Variants in CRYBB1 observed in about 807,000 individuals in gnomAD.
CRYBB1 encodes the protein beta-crystallin B1.
CRYBB1 carries 16 observed loss-of-function variants against 29.5 expected under a neutral mutation model. The observed-to-expected ratio is 0.54, with a 90% CI of 0.37 to 0.82. CRYBB1 has a LOEUF of 0.82. Ranked by LOEUF, CRYBB1 falls within the 40% of genes least tolerant of loss-of-function variation. The pLI is 0.00. For missense variants in CRYBB1, 300 were observed against 350.5 expected, an observed-to-expected ratio of 0.86 and a Z score of 1.15; for synonymous variants, 127 against 136.7, an observed-to-expected ratio of 0.93 and a Z score of 0.49.
chr22:26,613,059 G>A (rs529158019), intron 2 of CRYBB1, among the ~76,000 whole-genome samples: 1 of 152,274 alleles, frequency 6.6e-6, no homozygotes, highest in South Asian at 2.1e-4. Context: ...AGGGCCTGAG[G>A]TTGATCAATT....
chr22:26,609,089 C>A (rs1234914279), intron 3 of CRYBB1, among the ~76,000 whole-genome samples: 1 of 152,094 alleles, frequency 6.6e-6, no homozygotes, highest in African/African-American at 2.4e-5. Flanking sequence ...CCTTTGCTCC[C>A]CGTGTGTTCA....
At chr22:26,605,391 T>C (rs1928942648) in intron 4 of CRYBB1, among the ~76,000 whole-genome samples, 2 of 152,114 alleles carry the variant, frequency 1.3e-5, no homozygotes, top group African/African-American at 4.8e-5. Flanking sequence ...ACAGGCCAAC[T>C]GGTTGGGCGC....
chr22:26,615,335 G>A (rs116124124), intron 2 of CRYBB1, among the ~76,000 whole-genome samples: 296 of 152,192 alleles, frequency 1.9e-3, no homozygotes, highest in African/African-American at 6.4e-3. Context: ...AGGACAGCTG[G>A]TTCCCTGCTG....
At chr22:26,605,321 G>A (rs1928941224) in intron 4 of CRYBB1, among the ~76,000 whole-genome samples, 1 of 152,148 alleles carries the variant, frequency 6.6e-6, no homozygotes, top group African/African-American at 2.4e-5. Flanking sequence ...TGAAGACAGG[G>A]ACCTAGTCTG....
At chr22:26,608,082 C>A in intron 3 of CRYBB1, 61 bp from the exon 4 acceptor site, 2 of 1,612,602 alleles carry the variant, frequency 1.2e-6, no homozygotes, top group Non-Finnish European at 1.7e-6. Flanking sequence ...AGCCCCCACT[C>A]CCTACTTGCC....
chr22:26,605,161 C>T (rs1928936950), intron 4 of CRYBB1, among the ~76,000 whole-genome samples: 1 of 152,224 alleles, frequency 6.6e-6, no homozygotes, highest in Non-Finnish European at 1.5e-5. Context: ...CCACTCCCAC[C>T]TCTAACAATA....
rs1231314514 is a variant in CRYBB1, at chr22:26,614,810, A to T, written c.180+1330T>A. ...ATAATATGGCAAAACCCGTCTCATAATTCGGTCTCAAAATAAATGAATAAA... is the reference window on the plus strand; with the variant it reads ...ATAATATGGCAAAACCCGTCTCATATTTCGGTCTCAAAATAAATGAATAAA... On this transcript the variant is annotated intron_variant, in intron 2 of 5. Coordinates refer to ENST00000647684, the MANE Select transcript of CRYBB1 (RefSeq NM_001887.4). Among the ~76,000 whole-genome samples, 3 of 152,188 alleles carry T rather than the reference A, an allele frequency of 2.0e-5. 1 individual carries two copies. Among genetic ancestry groups the T allele is most frequent in the Admixed American group, 1.3e-4 (2 of 15,278 alleles).
intron 3 of CRYBB1, among the ~76,000 whole-genome samples, chr22:26,609,463 C>T (rs1929088950): frequency 6.6e-6 from 1 of 151,716 alleles, no homozygotes; most frequent in South Asian, 2.1e-4. Context: ...GGTAGATGGA[C>T]AGATGAATGG....
chr22:26,601,713 G>A (rs1928824036), intron 5 of CRYBB1, among the ~76,000 whole-genome samples, 166 bp downstream of exon 5: 1 of 151,482 alleles, frequency 6.6e-6, no homozygotes, highest in African/African-American at 2.4e-5. Flanking sequence ...CTATTCCCCA[G>A]AGGAATAGAG....
chr22:26,610,924 G>A (rs1003577814), intron 3 of CRYBB1, among the ~76,000 whole-genome samples: 1 of 152,142 alleles, frequency 6.6e-6, no homozygotes, highest in African/African-American at 2.4e-5. Context: ...CAGGATGACT[G>A]GAACCCTTGC....
chr22:26,611,465 T>G (rs1171404984), intron 3 of CRYBB1, among the ~76,000 whole-genome samples: 64 of 136,516 alleles, frequency 4.7e-4, no homozygotes, highest in Non-Finnish European at 8.9e-4. Flanking sequence ...TTTTTTTTTT[T>G]TTTGTTTTTT....
At position 26,601,088 on chromosome 22, in the gene CRYBB1, G is replaced by A. The variant is rs371742018; in HGVS notation, c.575+791C>T. Reference sequence around the variant, plus strand: ...AGATGGCTTGAATGGCAGGGATATAGGTTTCAGGGAGGCAGAAAGGAACAA... The same window carrying A: ...AGATGGCTTGAATGGCAGGGATATAAGTTTCAGGGAGGCAGAAAGGAACAA... On this transcript the variant is annotated intron_variant, in intron 5 of 5. Coordinates refer to ENST00000647684, the MANE Select transcript of CRYBB1 (RefSeq NM_001887.4). Among the ~76,000 whole-genome samples, 6 of 152,210 alleles carry A rather than the reference G, an allele frequency of 3.9e-5. No individual in the cohort carries two copies. The East Asian group carries it at 5.8e-4, about 15-fold the overall frequency.
At position 26,608,005 on chromosome 22, in the gene CRYBB1, G is replaced by T. The variant is rs1281764662; in HGVS notation, c.316C>A (p.Gln106Lys). The T allele has an allele frequency of 5.6e-6, 9 of 1,614,176 alleles. No individual in the cohort carries two copies. Among genetic ancestry groups the T allele is most frequent in the Non-Finnish European group, 7.6e-6 (9 of 1,180,044 alleles). The change falls in exon 4 of 6, where the codon CAG becomes AAG. Residue 106 changes from glutamine to lysine, a missense_variant. By Grantham distance (53) the Gln-to-Lys change is moderately conservative. Transcript: ENST00000647684. ...VSAGPWVAFE[Q>K]SNFRGEMFIL... ...AACATCTCCCCGCGGAAGTTGGACT[G>T]CTCAAAGGCGACCCAGCTGGATACA...
At chr22:26,604,814 G>T (rs1461648178) in intron 4 of CRYBB1, among the ~76,000 whole-genome samples, 1 of 152,200 alleles carries the variant, frequency 6.6e-6, no homozygotes, top group Non-Finnish European at 1.5e-5. Flanking sequence ...GTACAACAAT[G>T]ATTACTTATT....
At chr22:26,611,545 G>A (rs1317429834) in intron 3 of CRYBB1, among the ~76,000 whole-genome samples, 3 of 151,328 alleles carry the variant, frequency 2.0e-5, no homozygotes, top group African/African-American at 7.3e-5. Context: ...CGCAATCTCG[G>A]CTCACTGCAA....
intron 5 of CRYBB1, among the ~76,000 whole-genome samples, chr22:26,600,101 T>C (rs1409537640): frequency 1.3e-5 from 2 of 152,138 alleles, no homozygotes; most frequent in Non-Finnish European, 2.9e-5. Context: ...AAGTGTTATT[T>C]CAAAAAATTG....
At chr22:26,611,095 A>T (rs928822569) in intron 3 of CRYBB1, among the ~76,000 whole-genome samples, 1 of 152,234 alleles carries the variant, frequency 6.6e-6, no homozygotes, top group African/African-American at 2.4e-5. Flanking sequence ...TAAGGCCCAG[A>T]GACACCCACA....
In CRYBB1 at chr22:26,612,178, C is replaced by T. The variant is rs1400757152; in HGVS notation, c.193G>A (p.Glu65Lys). The change falls in exon 3 of 6, where the codon GAA (glutamate) becomes AAA (lysine). Residue 65 changes from glutamate (E) to lysine (K), a missense_variant. Transcript: ENST00000647684. ...CGACGGCCCTGGAAGTTTTCCAGTTCGAAGACCACCAGCTGCAGGAGAGAA... is the reference window on the plus strand; with the variant it reads ...CGACGGCCCTGGAAGTTTTCCAGTTTGAAGACCACCAGCTGCAGGAGAGAA... Reference protein sequence around the residue: ...PPGNYRLVVFELENFQGRRAE... With the variant: ...PPGNYRLVVFKLENFQGRRAE... The T allele has an allele frequency of 4.3e-6, 7 of 1,613,022 alleles. No individual in the cohort carries two copies. The highest frequency in any genetic ancestry group is 2.7e-5 in the African/African-American group (2 of 74,740).
intron 4 of CRYBB1, among the ~76,000 whole-genome samples, chr22:26,603,125 C>CAAAAAAAA (rs779127242): frequency 3.2e-4 from 22 of 69,078 alleles, no homozygotes; most frequent in African/African-American, 4.7e-4. Flanking sequence ...GACTCCGTCT[C>CAAAAAAAA]AAAAAAAAAA....
Sources: allele counts gnomAD v4.1 joint callset (sites outside exome capture counted in the v4.1 genomes callset), GRCh38; gene constraint gnomAD v4.1.1; transcripts MANE v1.5; gene names NCBI Gene and HGNC (gene_info 2026-07-23, HGNC 2026-07-21).